The following COL21A1 variants were observed in gnomAD, a reference collection of about 807,000 sequenced individuals.
COL21A1 encodes collagen type XXI alpha 1 chain.
Under a neutral mutation model 137.9 loss-of-function variants are expected in COL21A1, and 149 were observed. That is an observed-to-expected ratio of 1.08 (90% CI 0.95 to 1.24). COL21A1 has a LOEUF of 1.24. Ranked by LOEUF, COL21A1 falls within the 50% of genes most tolerant of loss-of-function variation. The pLI is 0.00. For missense variants in COL21A1, 1,167 were observed against 1,158.4 expected, an observed-to-expected ratio of 1.01 and a Z score of -0.11; for synonymous variants, 456 against 391.5, an observed-to-expected ratio of 1.16 and a Z score of -1.95.
chr6:56,298,653 A>C (rs1333864049), intron 1 of COL21A1, among the ~76,000 whole-genome samples: 1 of 152,100 alleles, frequency 6.6e-6, no homozygotes, highest in African/African-American at 2.4e-5. Flanking sequence ...AGTTCTAATT[A>C]AGGTGAGGAG....
intron 1 of COL21A1, among the ~76,000 whole-genome samples, chr6:56,313,261 T>C (rs1384772312): frequency 6.6e-6 from 1 of 151,892 alleles, no homozygotes; most frequent in Non-Finnish European, 1.5e-5. Flanking sequence ...CAAAAAAAGA[T>C]AGGGATGGAG....
chr6:56,380,834 T>C (rs2094007530), intron 1 of COL21A1, among the ~76,000 whole-genome samples: 1 of 152,210 alleles, frequency 6.6e-6, no homozygotes, highest in Non-Finnish European at 1.5e-5. Flanking sequence ...TTAGATAAGC[T>C]TCTTTAATGC....
At chr6:56,391,092 T>A (rs1173556867) in intron 1 of COL21A1, among the ~76,000 whole-genome samples, 1 of 152,034 alleles carries the variant, frequency 6.6e-6, no homozygotes, top group Non-Finnish European at 1.5e-5. Flanking sequence ...TCCCAAAAAA[T>A]TCAGAAAAAC....
chr6:56,140,139 G>T lies in COL21A1; in HGVS notation c.1542+1646C>A, dbSNP rs186544453. On this transcript the variant is annotated intron_variant, in intron 12 of 29. Coordinates refer to ENST00000244728, the MANE Select transcript of COL21A1 (RefSeq NM_030820.4). ...CTAATGTAAGTTTTAACAAAAATTAGTTCTCCATACAATTTAAATATATTA... is the reference window on the plus strand; with the variant it reads ...CTAATGTAAGTTTTAACAAAAATTATTTCTCCATACAATTTAAATATATTA... Among the ~76,000 whole-genome samples, 391 of 152,192 alleles carry T rather than the reference G, an allele frequency of 2.6e-3. 3 individuals are homozygous for T. The highest frequency in any genetic ancestry group is 9.1e-3 in the African/African-American group (379 of 41,538).
At chr6:56,282,361 C>T (rs566870340) in intron 1 of COL21A1, among the ~76,000 whole-genome samples, 363 of 32,362 alleles carry the variant, frequency 0.011, no homozygotes, top group African/African-American at 0.055. Flanking sequence ...TTTTCTCATA[C>T]GCATGGTTTT....
intron 1 of COL21A1, among the ~76,000 whole-genome samples, chr6:56,376,040 C>T (rs1438184242): frequency 1.3e-5 from 2 of 152,150 alleles, no homozygotes; most frequent in Non-Finnish European, 2.9e-5. Flanking sequence ...CTGACGTATT[C>T]TCCAGAACAT....
At chr6:56,351,760 C>T (rs908511138) in intron 1 of COL21A1, among the ~76,000 whole-genome samples, 6 of 152,178 alleles carry the variant, frequency 3.9e-5, no homozygotes, top group African/African-American at 1.4e-4. Context: ...GTGAAATAGA[C>T]CTTGCAGCCT....
At chr6:56,239,789 A>T (rs565913301) in intron 1 of COL21A1, among the ~76,000 whole-genome samples, 1 of 152,290 alleles carries the variant, frequency 6.6e-6, no homozygotes, top group South Asian at 2.1e-4. Flanking sequence ...ACATGATGCC[A>T]ATGTGATTGT....
chr6:56,364,384 G>A (rs1766049632), intron 1 of COL21A1, among the ~76,000 whole-genome samples: 1 of 152,158 alleles, frequency 6.6e-6, no homozygotes, highest in African/African-American at 2.4e-5. Context: ...AGCACACAAT[G>A]CTTTTTCACA....
chr6:56,223,747 T>G (rs574859922), intron 1 of COL21A1, among the ~76,000 whole-genome samples: 14 of 152,158 alleles, frequency 9.2e-5, no homozygotes, highest in Non-Finnish European at 1.6e-4. Context: ...TGTAACATCA[T>G]TAGCTATTGC....
intron 1 of COL21A1, among the ~76,000 whole-genome samples, chr6:56,385,794 C>A (rs943807979): frequency 3.3e-5 from 5 of 152,020 alleles, no homozygotes; most frequent in African/African-American, 4.8e-5. Flanking sequence ...CTGAATATTT[C>A]TTATAAAAGG....
chr6:56,366,086 T>C (rs926698455), intron 1 of COL21A1, among the ~76,000 whole-genome samples: 4 of 152,210 alleles, frequency 2.6e-5, no homozygotes, highest in Admixed American at 1.3e-4. Flanking sequence ...CTTATAGCAT[T>C]TACCCTTGTA....
chr6:56,196,629 TA>T (rs1386632941), intron 1 of COL21A1, among the ~76,000 whole-genome samples: 1 of 152,028 alleles, frequency 6.6e-6, no homozygotes, highest in Non-Finnish European at 1.5e-5. Context: ...TCAAAAGGAA[TA>T]AAATACTCAA....
In COL21A1 at chr6:56,079,528, G is replaced by A. The variant is rs9382579; in HGVS notation, c.1813-1955C>T. Among the ~76,000 whole-genome samples, 44 of 151,496 alleles carry A rather than the reference G, an allele frequency of 2.9e-4. No homozygotes were observed. The East Asian group carries it at 8.6e-3, about 30-fold the overall frequency. On this transcript the variant is annotated intron_variant, in intron 17 of 29. Transcript: ENST00000244728. ...CCAGGTTTCCACGAACAGCACCTTGGCTTCCACCTCCTCAAAGCCCTTGAG... is the reference window on the plus strand; with the variant it reads ...CCAGGTTTCCACGAACAGCACCTTGACTTCCACCTCCTCAAAGCCCTTGAG...
At chr6:56,156,812 A>T (rs1205749490) in intron 10 of COL21A1, 75 bp downstream of exon 10, 1 of 1,196,708 alleles carries the variant, frequency 8.4e-7, no homozygotes, top group East Asian at 2.5e-5. Context: ...GTCTGTTTAG[A>T]TTTGCTCAGC....
chr6:56,330,926 A>G (rs1765206124), intron 1 of COL21A1, among the ~76,000 whole-genome samples: 1 of 152,118 alleles, frequency 6.6e-6, no homozygotes, highest in Non-Finnish European at 1.5e-5. Flanking sequence ...CCAACAGTTT[A>G]TAAGCATTCC....
chr6:56,099,570 T>A (rs961937092), intron 17 of COL21A1, among the ~76,000 whole-genome samples: 1 of 151,862 alleles, frequency 6.6e-6, no homozygotes, highest in Non-Finnish European at 1.5e-5. Flanking sequence ...CTCTCATGTC[T>A]ATTATCTCTT....
At chr6:56,290,572 T>C (rs1342255805) in intron 1 of COL21A1, among the ~76,000 whole-genome samples, 1 of 149,222 alleles carries the variant, frequency 6.7e-6, no homozygotes, top group Non-Finnish European at 1.5e-5. Context: ...TGATCTCGGC[T>C]CACTGCAACC....
At chr6:56,136,896 G>A (rs909330401) in intron 12 of COL21A1, among the ~76,000 whole-genome samples, 1 of 152,060 alleles carries the variant, frequency 6.6e-6, no homozygotes, top group Non-Finnish European at 1.5e-5. Flanking sequence ...CAGTCAGCAC[G>A]ACCGTGGGTA....
Sources: gnomAD v4.1 joint callset for allele counts (sites outside exome capture counted in the v4.1 genomes callset) on GRCh38, gnomAD v4.1.1 for gene constraint, MANE v1.5 for transcripts, NCBI Gene and HGNC (gene_info 2026-07-23, HGNC 2026-07-21) for gene names.